OR3A2: variants seen among roughly 807,000 people sequenced by gnomAD.
The protein encoded by OR3A2 is olfactory receptor family 3 subfamily A member 2, also known as olfactory receptor 3A2.
For synonymous variants in OR3A2, 126 were observed against 159.3 expected, an observed-to-expected ratio of 0.79 and a Z score of 1.57; for missense variants, 318 against 392.8, an observed-to-expected ratio of 0.81 and a Z score of 1.61.
At chr17:3,324,641 C>T (rs532703960) in intron 3 of OR3A2, among the ~76,000 whole-genome samples, 3 of 152,202 alleles carry the variant, frequency 2.0e-5, no homozygotes, top group Non-Finnish European at 4.4e-5. Flanking sequence ...CCCTGTTTGC[C>T]TGGGTATCAG....
At chr17:3,353,805 T>C (rs2049440911) in intron 2 of OR3A2, among the ~76,000 whole-genome samples, 1 of 151,788 alleles carries the variant, frequency 6.6e-6, no homozygotes, top group African/African-American at 2.4e-5. Context: ...GCACTTATGT[T>C]TCAAGTTACA....
At chr17:3,318,588 T>C (rs1478696503) in intron 3 of OR3A2, among the ~76,000 whole-genome samples, 1 of 152,224 alleles carries the variant, frequency 6.6e-6, no homozygotes, top group Non-Finnish European at 1.5e-5. Context: ...CAGCACAGCC[T>C]GCTTACTTTT....
Position 3,366,162 on chromosome 17 carries a change from C to T in OR3A2, c.-179+17642G>A, listed in dbSNP as rs75136660. On this transcript the variant is annotated intron_variant, in intron 2 of 4. Coordinates refer to the OR3A2 transcript ENST00000573491. ...AAAGCAACTGGATTCACTGTCCAAA[C>T]GATGATCAAGTAGGAGTGAAGTAGT... is the stretch of plus-strand genomic sequence containing the variant. Among the ~76,000 whole-genome samples, 268 of 152,282 alleles carry T rather than the reference C, an allele frequency of 1.8e-3. 1 individual carries two copies. The highest frequency in any genetic ancestry group is 5.8e-3 in the African/African-American group (239 of 41,554).
intron 2 of OR3A2, among the ~76,000 whole-genome samples, chr17:3,366,403 A>T (rs1324816372): frequency 6.6e-5 from 10 of 152,206 alleles, no homozygotes; most frequent in Admixed American, 6.5e-4. Context: ...TGCAATTTTA[A>T]AAAGAAATCT....
At chr17:3,361,504 A>G (rs1338894512) in intron 2 of OR3A2, among the ~76,000 whole-genome samples, 23 of 151,776 alleles carry the variant, frequency 1.5e-4, no homozygotes, top group Non-Finnish European at 2.9e-4. Flanking sequence ...GTTTTCAAAG[A>G]GAATGCTTCC....
intron 3 of OR3A2, among the ~76,000 whole-genome samples, chr17:3,306,751 A>G (rs921385871): frequency 6.7e-6 from 1 of 149,886 alleles, no homozygotes; most frequent in Non-Finnish European, 1.5e-5. Context: ...AAAACCACTA[A>G]TATCTTCAAA....
intron 3 of OR3A2, among the ~76,000 whole-genome samples, chr17:3,321,336 A>T (rs1189800497): frequency 3.9e-5 from 6 of 152,218 alleles, no homozygotes; most frequent in Admixed American, 1.3e-4. Context: ...CAGGGACAAT[A>T]TGACTTCCTT....
At chr17:3,385,975 G>C (rs1034319147) in intron 1 of OR3A2, 150 bp downstream of exon 1, 4 of 381,592 alleles carry the variant, frequency 1.0e-5, no homozygotes, top group African/African-American at 6.7e-5. Flanking sequence ...CCTCCTCCTC[G>C]GCCTGGTGGA....
chr17:3,342,898 C>G (rs1194559182), intron 2 of OR3A2, among the ~76,000 whole-genome samples: 1 of 152,234 alleles, frequency 6.6e-6, no homozygotes, highest in Admixed American at 6.5e-5. Context: ...GTGGAGTGCA[C>G]AGAGGCAGGC....
At chr17:3,329,125 G>C (rs1400287454) in intron 3 of OR3A2, among the ~76,000 whole-genome samples, 1 of 151,808 alleles carries the variant, frequency 6.6e-6, no homozygotes, top group Non-Finnish European at 1.5e-5. Context: ...GTATTTTATT[G>C]AGGATTTTTG....
At chr17:3,384,521 C>G (rs776249207) in intron 1 of OR3A2, among the ~76,000 whole-genome samples, 3 of 152,068 alleles carry the variant, frequency 2.0e-5, no homozygotes, top group Non-Finnish European at 2.9e-5. Flanking sequence ...TCACCAAGAC[C>G]CAGTTCAAGT....
intron 2 of OR3A2, among the ~76,000 whole-genome samples, chr17:3,343,569 A>G (rs2049338653): frequency 1.3e-5 from 2 of 152,172 alleles, no homozygotes; most frequent in African/African-American, 4.8e-5. Flanking sequence ...AAGAAACTAG[A>G]AACCATGACT....
In OR3A2 at chr17:3,325,203, ATTTTTTTTT is replaced by A. The variant is rs61124691; in HGVS notation, c.-85+10821_-85+10829del. Among the ~76,000 whole-genome samples, 50 of 108,596 alleles carry A rather than the reference ATTTTTTTTT, an allele frequency of 4.6e-4. No individual in the cohort carries two copies. The East Asian group carries it at 7.3e-3, about 16-fold the overall frequency. 71.2% of individuals were successfully genotyped at this position (108,596 alleles called of 152,430 possible). On this transcript the variant is annotated intron_variant, in intron 3 of 4. Transcript: ENST00000573491. ...CAGCTTGTGTTCAAAGATCCTTCCAATTTTTTTTTTTTTTTTTTTTTTTGAGACAGGGTC... is the reference window on the plus strand; with the variant it reads ...CAGCTTGTGTTCAAAGATCCTTCCAATTTTTTTTTTTTTTGAGACAGGGTC...
At chr17:3,326,514 T>A (rs1226229033) in intron 3 of OR3A2, among the ~76,000 whole-genome samples, 2 of 151,954 alleles carry the variant, frequency 1.3e-5, no homozygotes, top group Non-Finnish European at 2.9e-5. Context: ...GTTCCCGAAA[T>A]TAATACTTTT....
chr17:3,344,324 T>C (rs561414423), intron 2 of OR3A2, among the ~76,000 whole-genome samples: 12 of 96,870 alleles, frequency 1.2e-4, no homozygotes, highest in African/African-American at 6.1e-4. Context: ...TTTTCAGCAA[T>C]TTAGACCTTC....
At position 3,278,778 on chromosome 17, in the gene OR3A2, C is replaced by T. The variant is rs939506630; in HGVS notation, c.140G>A (p.Ser47Asn). 4 of 1,459,726 alleles carry T rather than the reference C, an allele frequency of 2.7e-6. No homozygotes were observed. In the African/African-American group the frequency reaches 4.4e-5, roughly 16 times the overall value. 90.4% of individuals were successfully genotyped at this position (1,459,726 alleles called of 1,614,324 possible). Residue 47 changes from serine to asparagine, a missense_variant, in exon 2 of 2, where the codon AGC becomes AAC. By Grantham distance (46) the Ser-to-Asn change is conservative. Transcript: ENST00000642052. ...CTCCACCAAGACGGCTGCCAGGATG[C>T]TGAGGTTGCCCCCAGTTGTGACCAG...
At chr17:3,307,807 G>A (rs1049990729) in intron 3 of OR3A2, among the ~76,000 whole-genome samples, 1 of 152,136 alleles carries the variant, frequency 6.6e-6, no homozygotes, top group Non-Finnish European at 1.5e-5. Flanking sequence ...GATGAAACAG[G>A]AGGAAATCCT....
chr17:3,278,196 A>C, exon 2 of OR3A2: 1 of 1,614,220 alleles, frequency 6.2e-7, no homozygotes, highest in South Asian at 1.1e-5. Context: ...ACACGTGGAG[A>C]AGGCCTTCTT....
chr17:3,353,843 AAT>A (rs2049441124), intron 2 of OR3A2, among the ~76,000 whole-genome samples: 1 of 151,480 alleles, frequency 6.6e-6, no homozygotes, highest in African/African-American at 2.4e-5. Context: ...GTTATTTTAA[AAT>A]ATACCATTAA....
Sources: allele counts gnomAD v4.1 joint callset (sites outside exome capture counted in the v4.1 genomes callset), GRCh38; gene constraint gnomAD v4.1.1; transcripts MANE v1.5; gene names NCBI Gene and HGNC (gene_info 2026-07-23, HGNC 2026-07-21).